Variants in HNF1B observed in about 807,000 individuals in gnomAD.
HNF1B encodes hepatocyte nuclear factor 1-beta.
A neutral mutation model predicts 61.7 loss-of-function variants in HNF1B; 8 were observed. The ratio of observed to expected loss-of-function variants is 0.13; its 90% CI spans 0.08 to 0.23. The LOEUF (loss-of-function observed/expected upper bound fraction) is 0.23, where lower values mean the gene tolerates loss of function less well. Among genes scored for constraint, HNF1B ranks in the 10% least tolerant of loss-of-function variants. The pLI, the probability that HNF1B is intolerant of heterozygous loss-of-function variation, is 1.00. For synonymous variants in HNF1B, 314 were observed against 287.7 expected, an observed-to-expected ratio of 1.09 and a Z score of -0.93; for missense variants, 562 against 714.5, an observed-to-expected ratio of 0.79 and a Z score of 2.43.
At chr17:37,743,829 A>C (rs1332949565) in intron 1 of HNF1B, among the ~76,000 whole-genome samples, 1 of 152,162 alleles carries the variant, frequency 6.6e-6, no homozygotes, top group East Asian at 1.9e-4. Flanking sequence ...CTGAGACCAG[A>C]TCCTCTGCGA....
At chr17:37,719,309 T>C (rs1044394415) in intron 4 of HNF1B, among the ~76,000 whole-genome samples, 49 of 152,166 alleles carry the variant, frequency 3.2e-4, no homozygotes, top group African/African-American at 1.2e-3. Context: ...AGAGAGAGAT[T>C]AAAATACAAT....
chr17:37,744,922 GT>G lies in HNF1B; in HGVS notation c.-39del. 3.8e-6 allele frequency: 5 copies of G among 1,328,854 alleles called. No homozygotes were observed. Among genetic ancestry groups the G allele is most frequent in the East Asian group, 2.3e-5 (1 of 42,606 alleles). The allele number at this position is 1,328,854 out of a possible 1,614,324, so 82.3% of individuals were successfully genotyped here. A position where few individuals can be genotyped will look rare whatever the true frequency, so the allele number is the denominator to read the frequency against. On this transcript the variant is annotated 5_prime_UTR_variant, in exon 1 of 9. Transcript: ENST00000617811. Reference sequence around the variant, plus strand: ...GAAAAAGAAGGGGGTGAGGGGGTGGGTGGGTGCGAGAGAGGAGGGTGGAGGG... The same window carrying G: ...GAAAAAGAAGGGGGTGAGGGGGTGGGGGGTGCGAGAGAGGAGGGTGGAGGG...
intron 8 of HNF1B, among the ~76,000 whole-genome samples, chr17:37,687,810 A>C (rs2032031232): frequency 6.6e-6 from 1 of 152,104 alleles, no homozygotes; most frequent in South Asian, 2.1e-4. Context: ...CTCCTATACT[A>C]ATGCTTCTCG....
At chr17:37,703,394 G>T (rs1014900289) in intron 6 of HNF1B, among the ~76,000 whole-genome samples, 1 of 145,830 alleles carries the variant, frequency 6.9e-6, no homozygotes. Flanking sequence ...TAGCCCCAGG[G>T]AAAATTTTAA....
At position 37,741,897 on chromosome 17, in the gene HNF1B, AAG is replaced by A. The variant is rs2034002245; in HGVS notation, c.345-2260_345-2259del. The stretch of plus-strand genomic sequence containing the variant: ...GCAAAACCTTTTAAGTCCGACTTAA[AAG>A]AGTGAGGAGTAAGATGGCGCAGTTA... On this transcript the variant is annotated intron_variant, in intron 1 of 8. Coordinates refer to ENST00000617811, the MANE Select transcript of HNF1B (RefSeq NM_000458.4). Among the ~76,000 whole-genome samples, 5 of 152,234 alleles carry A rather than the reference AAG, an allele frequency of 3.3e-5. No homozygotes were observed. The South Asian group carries it at 6.2e-4, about 19-fold the overall frequency.
At chr17:37,687,830 G>A (rs752395464) in intron 8 of HNF1B, among the ~76,000 whole-genome samples, 1 of 152,074 alleles carries the variant, frequency 6.6e-6, no homozygotes, top group African/African-American at 2.4e-5. Context: ...GAACTTTAAC[G>A]GACCCACAAG....
chr17:37,696,890 C>G (rs2032403973), intron 8 of HNF1B, among the ~76,000 whole-genome samples: 1 of 152,178 alleles, frequency 6.6e-6, no homozygotes, highest in Admixed American at 6.5e-5. Context: ...CACCTTTACC[C>G]TCATTTTACT....
At chr17:37,700,358 G>T (rs539801939) in intron 7 of HNF1B, among the ~76,000 whole-genome samples, 19 of 152,238 alleles carry the variant, frequency 1.2e-4, no homozygotes, top group Non-Finnish European at 2.6e-4. Context: ...GGTAGGTATA[G>T]AAATTGGATA....
At position 37,687,122 on chromosome 17, in the gene HNF1B, G is replaced by A; in HGVS notation, c.*250C>T. On this transcript the variant is annotated 3_prime_UTR_variant, in exon 9 of 9. Transcript: ENST00000617811. ...GAGGTTCCTTGTCTCCCACCTCCAG[G>A]ACAGACAGGAGTCCTTGACATCGTG... 1 of 647,426 alleles carries A rather than the reference G, an allele frequency of 1.5e-6. No individual in the cohort carries two copies. The highest frequency in any genetic ancestry group is 2.3e-5 in the Admixed American group (1 of 44,082). 40.1% of individuals were successfully genotyped at this position (647,426 alleles called of 1,614,324 possible). A position where few individuals can be genotyped will look rare whatever the true frequency, so the allele number is the denominator to read the frequency against.
chr17:37,714,450 G>A (rs750143689), intron 4 of HNF1B, among the ~76,000 whole-genome samples: 4 of 152,182 alleles, frequency 2.6e-5, no homozygotes, highest in Admixed American at 6.5e-5. Context: ...CAGGTTAATA[G>A]CCACAGAGGA....
intron 4 of HNF1B, among the ~76,000 whole-genome samples, chr17:37,727,066 T>C (rs1255758445): frequency 6.6e-6 from 1 of 152,128 alleles, no homozygotes; most frequent in Non-Finnish European, 1.5e-5. Flanking sequence ...TACCACAGCT[T>C]GGGCCAAGGC....
Position 37,701,171 on chromosome 17 carries a change from T to C in HNF1B, c.1346A>G (p.Asn449Ser). ...AGGGACACTCTGTGCTTGGGAGGTG[T>C]TGAGGCCTGTGGGAGCAAGAGGAAA... ...SGVMAIAQSL[N>S]TSQAQSVPVI... is the part of the protein sequence containing the mutation. The change falls in exon 7 of 9, where the codon AAC (asparagine) becomes AGC (serine). Residue 449 changes from asparagine (N) to serine (S), a missense_variant. Asn to Ser is a conservative substitution (Grantham distance 46). Coordinates refer to ENST00000617811, the MANE Select transcript of HNF1B (RefSeq NM_000458.4). 1 of 1,550,746 alleles carries C rather than the reference T, an allele frequency of 6.4e-7. No individual in the cohort carries two copies. The highest frequency in any genetic ancestry group is 8.7e-7 in the Non-Finnish European group (1 of 1,147,076).
chr17:37,695,824 GT>G (rs2032364974), intron 8 of HNF1B, among the ~76,000 whole-genome samples: 1 of 152,222 alleles, frequency 6.6e-6, no homozygotes, highest in Non-Finnish European at 1.5e-5. Flanking sequence ...TTGGAAGTAA[GT>G]ATATAGTTTT....
At chr17:37,732,091 G>A (rs758091521) in intron 3 of HNF1B, among the ~76,000 whole-genome samples, 4 of 152,170 alleles carry the variant, frequency 2.6e-5, no homozygotes, top group Non-Finnish European at 5.9e-5. Context: ...GCTCTGGTGT[G>A]GCTCTCGAGG....
At chr17:37,704,625 A>G (rs1340789524) in intron 6 of HNF1B, among the ~76,000 whole-genome samples, 1 of 152,168 alleles carries the variant, frequency 6.6e-6, no homozygotes, top group Non-Finnish European at 1.5e-5. Context: ...TTAACAACCT[A>G]TTTTATAGAT....
At chr17:37,691,622 G>A (rs530460779) in intron 8 of HNF1B, among the ~76,000 whole-genome samples, 8 of 152,164 alleles carry the variant, frequency 5.3e-5, no homozygotes, top group Admixed American at 3.3e-4. Flanking sequence ...ACAGGTCTTC[G>A]TGCAGTTAGT....
At chr17:37,718,198 A>T (rs915310388) in intron 4 of HNF1B, among the ~76,000 whole-genome samples, 3 of 152,228 alleles carry the variant, frequency 2.0e-5, no homozygotes, top group Non-Finnish European at 4.4e-5. Context: ...CTGAGAACAG[A>T]AGCTAACATG....
chr17:37,699,687 A>G (rs1003730995), intron 7 of HNF1B, among the ~76,000 whole-genome samples: 4 of 152,208 alleles, frequency 2.6e-5, no homozygotes, highest in Non-Finnish European at 4.4e-5. Flanking sequence ...AGTGGGGAGC[A>G]CATCACCAGG....
intron 8 of HNF1B, among the ~76,000 whole-genome samples, chr17:37,690,515 T>C (rs2032162744): frequency 6.6e-6 from 1 of 151,952 alleles, no homozygotes; most frequent in Non-Finnish European, 1.5e-5. Flanking sequence ...CCTAAGGAGA[T>C]CAGGGAGAGA....
Sources: allele counts gnomAD v4.1 joint callset (sites outside exome capture counted in the v4.1 genomes callset), GRCh38; gene constraint gnomAD v4.1.1; transcripts MANE v1.5; gene names NCBI Gene and HGNC (gene_info 2026-07-23, HGNC 2026-07-21).